CYP39A1: variants seen among roughly 807,000 people sequenced by gnomAD.
The protein encoded by CYP39A1 is cytochrome P450 family 39 subfamily A member 1.
In CYP39A1, 49 loss-of-function variants were observed where a neutral mutation model predicts 58.1. The observed-to-expected ratio is 0.84, with a 90% CI of 0.67 to 1.07. The LOEUF (loss-of-function observed/expected upper bound fraction) is 1.07, where lower values mean the gene tolerates loss of function less well. Among genes scored for constraint, CYP39A1 ranks in the 50% least tolerant of loss-of-function variants. CYP39A1 has a pLI of 0.00. For synonymous variants in CYP39A1, 209 were observed against 187.6 expected, an observed-to-expected ratio of 1.11 and a Z score of -0.93; for missense variants, 531 against 539.4, an observed-to-expected ratio of 0.98 and a Z score of 0.16.
chr6:46,582,652 G>C (rs1263963300), intron 10 of CYP39A1, among the ~76,000 whole-genome samples: 1 of 151,036 alleles, frequency 6.6e-6, no homozygotes, highest in Non-Finnish European at 1.5e-5. Flanking sequence ...GAGTCTTCTG[G>C]CATTTGTCAT....
At chr6:46,638,131 A>G (rs1006436361) in intron 3 of CYP39A1, among the ~76,000 whole-genome samples, 153 bp from the exon 4 acceptor site, 10 of 152,308 alleles carry the variant, frequency 6.6e-5, no homozygotes, top group South Asian at 2.1e-4. Flanking sequence ...AGAAGTTTTG[A>G]TATTTGCTTA....
At position 46,599,716 on chromosome 6, in the gene CYP39A1, A is replaced by G. The variant is rs1773375621; in HGVS notation, c.932-3596T>C. On this transcript the variant is annotated intron_variant, in intron 7 of 11. Coordinates refer to ENST00000275016, the MANE Select transcript of CYP39A1 (RefSeq NM_016593.5). ...AAACCCTTTTCTATAAAATACCATC[A>G]GTGGGCTAGTGACACCCACAATAAC... Among the ~76,000 whole-genome samples the G allele has an allele frequency of 5.3e-5, 8 of 152,268 alleles. No homozygotes were observed. The South Asian group carries it at 1.7e-3, about 32-fold the overall frequency.
intron 10 of CYP39A1, among the ~76,000 whole-genome samples, chr6:46,567,384 G>A (rs948648079): frequency 6.6e-6 from 1 of 151,952 alleles, no homozygotes; most frequent in Non-Finnish European, 1.5e-5. Flanking sequence ...TCAACACTTT[G>A]GTTGTTTTAA....
At chr6:46,647,785 A>C (rs1762419438) in intron 1 of CYP39A1, among the ~76,000 whole-genome samples, 1 of 152,164 alleles carries the variant, frequency 6.6e-6, no homozygotes, top group South Asian at 2.1e-4. Flanking sequence ...TCTTTTGAGA[A>C]GTATCTGTTC....
intron 10 of CYP39A1, among the ~76,000 whole-genome samples, chr6:46,566,036 A>G (rs1362492311): frequency 6.6e-6 from 1 of 152,192 alleles, no homozygotes; most frequent in African/African-American, 2.4e-5. Flanking sequence ...CAGATGGGAC[A>G]GCAAGAATGA....
At chr6:46,608,699 C>T (rs550714203) in intron 7 of CYP39A1, among the ~76,000 whole-genome samples, 8 of 152,140 alleles carry the variant, frequency 5.3e-5, no homozygotes, top group South Asian at 4.1e-4. Context: ...ATTGCAACCT[C>T]CGCCTCCTGG....
intron 7 of CYP39A1, among the ~76,000 whole-genome samples, chr6:46,604,288 C>T (rs1405951581): frequency 6.6e-6 from 1 of 152,138 alleles, no homozygotes; most frequent in Non-Finnish European, 1.5e-5. Flanking sequence ...TCCCATCTCC[C>T]CAATACAATC....
At chr6:46,616,205 TCCCTCCCTCC>T (rs1774578103) in intron 7 of CYP39A1, among the ~76,000 whole-genome samples, 1 of 3,726 alleles carries the variant, frequency 2.7e-4, no homozygotes, top group African/African-American at 1.4e-3. Flanking sequence ...CCTCCCTCCC[TCCCTCCCTCC>T]CTCCCTCCCT....
intron 10 of CYP39A1, among the ~76,000 whole-genome samples, chr6:46,582,064 A>G (rs1264587023): frequency 6.6e-6 from 1 of 151,950 alleles, no homozygotes; most frequent in Non-Finnish European, 1.5e-5. Context: ...CTCATTCCTA[A>G]CCCTCTTTTA....
intron 11 of CYP39A1, among the ~76,000 whole-genome samples, chr6:46,553,073 CAAAAAAAAAAAA>C (rs34991519): frequency 8.6e-5 from 7 of 81,410 alleles, no homozygotes; most frequent in Non-Finnish European, 1.2e-4. Flanking sequence ...ACCCCCCAAC[CAAAAAAAAAAAA>C]AAAAAAAAAG....
At chr6:46,588,281 T>C (rs1772599442) in intron 8 of CYP39A1, 152 bp from the exon 9 acceptor site, 1 of 254,878 alleles carries the variant, frequency 3.9e-6, no homozygotes, top group Admixed American at 5.5e-5. Context: ...ATCTATATAA[T>C]TATATAATAT....
chr6:46,622,352 A>C (rs573103222), intron 7 of CYP39A1, among the ~76,000 whole-genome samples: 18 of 152,060 alleles, frequency 1.2e-4, no homozygotes, highest in Non-Finnish European at 2.2e-4. Flanking sequence ...ATATATATAT[A>C]ATTTTATTTA....
intron 11 of CYP39A1, among the ~76,000 whole-genome samples, chr6:46,551,478 T>A (rs753155163): frequency 1.5e-4 from 23 of 152,076 alleles, no homozygotes; most frequent in Non-Finnish European, 2.4e-4. Flanking sequence ...ATGCTCAAAA[T>A]GGAACAGCCC....
intron 7 of CYP39A1, among the ~76,000 whole-genome samples, chr6:46,610,590 C>G (rs1221503485): frequency 6.6e-6 from 1 of 152,100 alleles, no homozygotes; most frequent in Non-Finnish European, 1.5e-5. Flanking sequence ...AGCCATCCTC[C>G]CATCTCAGTC....
chr6:46,568,920 C>CAA (rs60393624), intron 10 of CYP39A1, among the ~76,000 whole-genome samples: 11,809 of 148,514 alleles, frequency 0.08, 1,527 homozygotes, highest in African/African-American at 0.27. Flanking sequence ...CTATTTCTGC[C>CAA]AAAAAAAAAA....
intron 10 of CYP39A1, among the ~76,000 whole-genome samples, chr6:46,574,871 A>T (rs909262978): frequency 6.6e-6 from 1 of 151,860 alleles, no homozygotes; most frequent in African/African-American, 2.4e-5. Context: ...GGCCAACTAG[A>T]TACAGCCAGG....
At chr6:46,617,099 T>C (rs145436622) in intron 7 of CYP39A1, among the ~76,000 whole-genome samples, 3 of 152,178 alleles carry the variant, frequency 2.0e-5, no homozygotes, top group Non-Finnish European at 4.4e-5. Context: ...CTGGTTAAAG[T>C]GCCCTGGTTA....
At chr6:46,600,056 G>A (rs1773393417) in intron 7 of CYP39A1, among the ~76,000 whole-genome samples, 2 of 152,060 alleles carry the variant, frequency 1.3e-5, no homozygotes, top group South Asian at 4.1e-4. Flanking sequence ...GCAATTTCTT[G>A]AATGATAGGG....
intron 10 of CYP39A1, among the ~76,000 whole-genome samples, chr6:46,557,643 TAA>T (rs71721488): frequency 7.3e-5 from 10 of 137,770 alleles, no homozygotes; most frequent in Non-Finnish European, 9.5e-5. Context: ...ACTCTGTCTT[TAA>T]AAAAAAAAAA....
Sources: gnomAD v4.1 joint callset for allele counts (sites outside exome capture counted in the v4.1 genomes callset) on GRCh38, gnomAD v4.1.1 for gene constraint, MANE v1.5 for transcripts, NCBI Gene and HGNC (gene_info 2026-07-23, HGNC 2026-07-21) for gene names.